The following KIF1A variants were observed in gnomAD, a reference collection of about 807,000 sequenced individuals.
KIF1A encodes kinesin-like protein KIF1A.
In KIF1A, 46 loss-of-function variants were observed where a neutral mutation model predicts 227.3. The observed-to-expected ratio is 0.20, with a 90% CI of 0.16 to 0.26. The LOEUF is 0.26. Among genes scored for constraint, KIF1A ranks in the 10% least tolerant of loss-of-function variants. The probability of loss-of-function intolerance (pLI) is 1.00; values close to 1 mark genes in which losing one functional copy is unlikely to be tolerated. For missense variants in KIF1A, 1,683 were observed against 2,485.9 expected (o/e 0.68, Z 6.87); for synonymous variants, 1,022 against 1,012.8 (o/e 1.01, Z -0.17).
Position 240,757,240 on chromosome 2 carries a change from G to A in KIF1A, c.2858+79C>T, listed in dbSNP as rs184108580. 493 of 1,399,806 alleles carry A rather than the reference G, an allele frequency of 3.5e-4. 4 individuals carry two copies. The East Asian group carries it at 7.1e-3, about 20-fold the overall frequency. The allele number at this position is 1,399,806 out of a possible 1,614,324, so 86.7% of individuals were successfully genotyped here. A position where few individuals can be genotyped will look rare whatever the true frequency, so the allele number is the denominator to read the frequency against. On this transcript the variant is annotated intron_variant, in intron 27 of 48. Coordinates refer to ENST00000498729, the MANE Select transcript of KIF1A (RefSeq NM_001244008.2). The surrounding 1 kb of genome is among the most constrained non-coding windows in gnomAD (Gnocchi z 6.2). ...GGGAGGGCCCGGGCCAGGCCCCAGCGGTTCCTCTGTGCCCGCAGCAGTGCT... is the reference window on the plus strand; with the variant it reads ...GGGAGGGCCCGGGCCAGGCCCCAGCAGTTCCTCTGTGCCCGCAGCAGTGCT...
intron 10 of KIF1A, among the ~76,000 whole-genome samples, chr2:240,780,825 C>G (rs1050145437): frequency 8.2e-5 from 5 of 61,094 alleles, no homozygotes; most frequent in Non-Finnish European, 6.2e-5. Context: ...CACACACACA[C>G]AGCTCCACAC....
intron 48 of KIF1A, among the ~76,000 whole-genome samples, chr2:240,717,786 C>CA (rs1697175903): frequency 6.6e-6 from 1 of 152,248 alleles, no homozygotes; most frequent in African/African-American, 2.4e-5. Context: ...AGGGCATCCC[C>CA]AGCCCACATA....
chr2:240,753,057 G>A (rs1308167803), intron 27 of KIF1A, among the ~76,000 whole-genome samples: 1 of 152,194 alleles, frequency 6.6e-6, no homozygotes, highest in Non-Finnish European at 1.5e-5. Context: ...CAGAGCCCTG[G>A]GCTCTGGGGC....
chr2:240,724,220 C>A, intron 40 of KIF1A, 184 bp from the exon 41 acceptor site: 1 of 636,378 alleles, frequency 1.6e-6, no homozygotes, highest in East Asian at 2.8e-5. Flanking sequence ...CTCCGGCCCC[C>A]AGAGAAAAGA....
chr2:240,782,231 C>G, intron 10 of KIF1A: 1 of 981,714 alleles, frequency 1.0e-6, no homozygotes, highest in Non-Finnish European at 1.2e-6. Flanking sequence ...CGCCTGTCAC[C>G]CGCTTCCTCT....
Position 240,770,924 on chromosome 2 carries a change from C to T in KIF1A, c.1341+47G>A, listed in dbSNP as rs143658133. On this transcript the variant is annotated intron_variant, in intron 15 of 48. Coordinates refer to ENST00000498729, the MANE Select transcript of KIF1A (RefSeq NM_001244008.2). ...GTGCCTCTCTAACTCCTCCGAGCTC[C>T]CCACTCCCAGAGTCTGACACCCTGA... The T allele has an allele frequency of 3.0e-4, 477 of 1,599,464 alleles. 3 individuals are homozygous for T. The African/African-American group carries it at 5.6e-3, about 19-fold the overall frequency.
chr2:240,810,053 A>G (rs527430751), intron 1 of KIF1A, among the ~76,000 whole-genome samples: 8 of 152,264 alleles, frequency 5.3e-5, no homozygotes, highest in African/African-American at 1.9e-4. Context: ...GCCTCAAGTG[A>G]TCCACCCACC....
At chr2:240,770,029 C>T (rs1031406540) in intron 15 of KIF1A, among the ~76,000 whole-genome samples, 1 of 152,230 alleles carries the variant, frequency 6.6e-6, no homozygotes, top group African/African-American at 2.4e-5. Context: ...CAGCCCTCTT[C>T]AGGACATGGA....
At chr2:240,720,021 G>T (rs1315856727) in intron 45 of KIF1A, 95 bp from the exon 46 acceptor site, 4 of 1,306,532 alleles carry the variant, frequency 3.1e-6, no homozygotes, top group South Asian at 3.1e-5. Context: ...ACCTCAGAAG[G>T]TGCAGTAGGG....
intron 10 of KIF1A, among the ~76,000 whole-genome samples, chr2:240,780,243 A>C (rs1272001958): frequency 6.6e-6 from 1 of 151,816 alleles, no homozygotes; most frequent in Non-Finnish European, 1.5e-5. Flanking sequence ...CTCCCCGAGC[A>C]GCTGCATGGC....
rs201176606 is a variant in KIF1A, at chr2:240,773,288, C to T, written c.1038-32G>A. The T allele has an allele frequency of 7.9e-5, 128 of 1,612,610 alleles. 2 individuals are homozygous for T. In the East Asian group the frequency reaches 1.9e-3, roughly 24 times the overall value. On this transcript the variant is annotated intron_variant, in intron 12 of 48. Coordinates refer to ENST00000498729, the MANE Select transcript of KIF1A (RefSeq NM_001244008.2). ...GGCAGAGGGGGCTGTGGGCTGTGCT[C>T]GGGACAGGTCCACATCTGGCAGGTC...
In KIF1A at chr2:240,740,442, G is replaced by C; in HGVS notation, c.3750-78C>G. On this transcript the variant is annotated intron_variant, in intron 35 of 48. Coordinates refer to ENST00000498729, the MANE Select transcript of KIF1A (RefSeq NM_001244008.2). This position sits in a 1 kb window ranked among gnomAD's most constrained non-coding sequence, Gnocchi z 6.1. The stretch of plus-strand genomic sequence containing the variant: ...CCCGCAGCACAGGACACAGTGGACG[G>C]GAGCAAAAACAGGGAAAAGTCAGCA... 1 of 1,271,412 alleles carries C rather than the reference G, an allele frequency of 7.9e-7. No individual in the cohort carries two copies. The highest frequency in any genetic ancestry group is 1.2e-5 in the South Asian group (1 of 80,052). The allele number at this position is 1,271,412 out of a possible 1,614,324, so 78.8% of individuals were successfully genotyped here. A position where few individuals can be genotyped will look rare whatever the true frequency, so the allele number is the denominator to read the frequency against.
intron 1 of KIF1A, among the ~76,000 whole-genome samples, chr2:240,806,360 T>G (rs1387500630): frequency 6.6e-6 from 1 of 152,264 alleles, no homozygotes; most frequent in African/African-American, 2.4e-5. Context: ...ACAAAAAGAC[T>G]GGGCCGTTGT....
At chr2:240,795,756 G>A (rs927228411) in intron 2 of KIF1A, among the ~76,000 whole-genome samples, 7 of 152,190 alleles carry the variant, frequency 4.6e-5, no homozygotes, top group African/African-American at 1.7e-4. Flanking sequence ...CACCCTGGCC[G>A]TCACTTCTGG....
In KIF1A at chr2:240,750,070, G is replaced by A. The variant is rs143563671; in HGVS notation, c.2977+359C>T. On this transcript the variant is annotated intron_variant, in intron 28 of 48. Coordinates refer to ENST00000498729, the MANE Select transcript of KIF1A (RefSeq NM_001244008.2). ...GGTGGTCTTGGGTCCATATGGGACT[G>A]CCTGATGGGAAGGTGGAAACCCCCA... Among the ~76,000 whole-genome samples, 815 of 152,360 alleles carry A rather than the reference G, an allele frequency of 5.3e-3. 3 individuals carry two copies. The highest frequency in any genetic ancestry group is 9.1e-3 in the Non-Finnish European group (622 of 68,024).
intron 16 of KIF1A, 125 bp downstream of exon 16, chr2:240,769,502 G>T: frequency 1.3e-6 from 1 of 769,270 alleles, no homozygotes; most frequent in Non-Finnish European, 2.1e-6. Context: ...CCCTGGGCTG[G>T]GATGTGGCCA....
rs1559530149 is a variant in KIF1A at position 240,786,790 on chromosome 2, G to GA, written c.430-278_430-277insT. Among the ~76,000 whole-genome samples, 10 of 132,698 alleles carry GA rather than the reference G, an allele frequency of 7.5e-5. No homozygotes were observed. The East Asian group carries it at 7.9e-4, about 10-fold the overall frequency. The allele number at this position is 132,698 out of a possible 152,430, so 87.1% of individuals were successfully genotyped here. A position where few individuals can be genotyped will look rare whatever the true frequency, so the allele number is the denominator to read the frequency against. On this transcript the variant is annotated intron_variant, in intron 5 of 48. Coordinates refer to ENST00000498729, the MANE Select transcript of KIF1A (RefSeq NM_001244008.2). ...GGCCACCATCAGGACCCCTGAGTGAGGGGGTGGGGGCTGCCATCAGGACCC... is the reference window on the plus strand; with the variant it reads ...GGCCACCATCAGGACCCCTGAGTGAGAGGGGTGGGGGCTGCCATCAGGACCC...
Position 240,766,749 on chromosome 2 carries a change from T to TCTCTCACACACACACA in KIF1A, c.1684+165_1684+166insTGTGTGTGTGTGAGAG, listed in dbSNP as rs1454271542. 8.3e-5 allele frequency among the ~76,000 whole-genome samples: 9 copies of TCTCTCACACACACACA among 108,972 alleles called. No homozygotes were observed. Among genetic ancestry groups the TCTCTCACACACACACA allele is most frequent in the African/African-American group, 3.7e-4 (9 of 24,110 alleles). 71.5% of individuals were successfully genotyped at this position (108,972 alleles called of 152,430 possible). On this transcript the variant is annotated intron_variant, in intron 19 of 48. Transcript: ENST00000498729. This position sits in a 1 kb window ranked among gnomAD's most constrained non-coding sequence, Gnocchi z 5.0. Reference sequence around the variant, plus strand: ...CTCTCTCTCTCTCTCTCTCTCTCTCTCACACACACACACACACACACACAC... The same window carrying TCTCTCACACACACACA: ...CTCTCTCTCTCTCTCTCTCTCTCTCTCTCTCACACACACACACACACACACACACACACACACACAC...
chr2:240,809,110 T>C (rs1294992466), intron 1 of KIF1A, among the ~76,000 whole-genome samples: 1 of 152,250 alleles, frequency 6.6e-6, no homozygotes, highest in Non-Finnish European at 1.5e-5. Context: ...GAACTATAAC[T>C]TATTGGTGGA....
Sources: allele counts gnomAD v4.1 joint callset (sites outside exome capture counted in the v4.1 genomes callset), GRCh38; gene constraint gnomAD v4.1.1; non-coding constraint Gnocchi (gnomAD v3.1); transcripts MANE v1.5; gene names NCBI Gene and HGNC (gene_info 2026-07-23, HGNC 2026-07-21).